The following PLPP5 variants were observed in gnomAD, a reference collection of about 807,000 sequenced individuals.
PLPP5 encodes the protein diacylglycerol pyrophosphate like 1.
In PLPP5, 29 loss-of-function variants were observed where a neutral mutation model predicts 23.6. That is an observed-to-expected ratio of 1.23 (90% CI 0.92 to 1.68). PLPP5 has a LOEUF of 1.68. Ranked by LOEUF, PLPP5 falls within the 40% of genes most tolerant of loss-of-function variation. The pLI is 0.00. For missense variants in PLPP5, 315 were observed against 332.1 expected, an observed-to-expected ratio of 0.95 and a Z score of 0.40; for synonymous variants, 143 against 131.3, an observed-to-expected ratio of 1.09 and a Z score of -0.61.
In PLPP5 at chr8:38,264,455, A is replaced by T; in HGVS notation, c.784T>A (p.Phe262Ile). The T allele has an allele frequency of 6.5e-7, 1 of 1,548,070 alleles. No homozygotes were observed. Residue 262 changes from phenylalanine (F) to isoleucine (I), a missense_variant, in exon 7 of 7, where the codon TTT becomes ATT. Transcript: ENST00000424479. ...GCCAGATTCAATTTTTAAATATCAA[A>T]ACAATAAGAATCCCCAGGCTTCTGT... ...TAQKPGDSYC[F>I]DI is the part of the protein sequence containing the mutation.
At chr8:38,267,076 C>G in intron 5 of PLPP5, 191 bp downstream of exon 5, 5 of 1,432,864 alleles carry the variant, frequency 3.5e-6, no homozygotes, top group Non-Finnish European at 3.7e-6. Context: ...GGTAAACTAC[C>G]TTTCTGTTCT....
intron 5 of PLPP5, chr8:38,267,041 C>A: frequency 7.1e-7 from 1 of 1,411,836 alleles, no homozygotes; most frequent in South Asian, 1.6e-5. Context: ...AATAATATAA[C>A]AATTAAATGT....
At position 38,264,621 on chromosome 8, in the gene PLPP5, C is replaced by T; in HGVS notation, c.635-17G>A. ...CTAGTACATCTGAAGAGAGTGGAAA[C>T]AAGGTCTTCTCTTAATATTAGGCTC... is the stretch of plus-strand genomic sequence containing the variant. On this transcript the variant is annotated splice_polypyrimidine_tract_variant and intron_variant, in intron 6 of 6. Coordinates refer to ENST00000424479, the MANE Select transcript of PLPP5 (RefSeq NM_001102559.2). 1 of 1,576,832 alleles carries T rather than the reference C, an allele frequency of 6.3e-7. No individual in the cohort carries two copies. The highest frequency in any genetic ancestry group is 8.6e-7 in the Non-Finnish European group (1 of 1,161,732).
At chr8:38,266,049 G>T in intron 6 of PLPP5, 92 bp downstream of exon 6, 1 of 1,178,536 alleles carries the variant, frequency 8.5e-7, no homozygotes, top group Non-Finnish European at 1.2e-6. Context: ...TGTTCATTCA[G>T]CAGATATTTA....
intron 5 of PLPP5, 39 bp downstream of exon 5, chr8:38,267,228 G>A: frequency 6.2e-7 from 1 of 1,613,808 alleles, no homozygotes; most frequent in Non-Finnish European, 8.5e-7. Context: ...TCAATGATGT[G>A]AAAACAAGCA....
intron 5 of PLPP5, chr8:38,266,913 T>G: frequency 6.0e-6 from 3 of 496,510 alleles, no homozygotes; most frequent in Non-Finnish European, 8.9e-6. Context: ...CCCCACCTCA[T>G]TGGATTATTG....
chr8:38,268,421 G>T lies in PLPP5; in HGVS notation c.224C>A (p.Ala75Asp). 6.3e-7 allele frequency: 1 copy of T among 1,577,910 alleles called. No individual in the cohort carries two copies. Among genetic ancestry groups the T allele is most frequent in the Non-Finnish European group, 8.6e-7 (1 of 1,161,618 alleles). The change falls in exon 3 of 7, where the codon GCC (alanine) becomes GAC (aspartate). Residue 75 changes from alanine to aspartate, a missense_variant. Ala to Asp is a moderately radical substitution (Grantham distance 126). Transcript: ENST00000424479. ...FLSPLSLIFL[A>D]KFLKKADTRD... ...TGTGTCTGCCTTCTTGAGAAATTTG[G>T]CCAGGAAGATCAGAGACAGTGGAGA...
In PLPP5 at chr8:38,264,561, G is replaced by T; in HGVS notation, c.678C>A (p.Val226=). ...GAGGAGGATAATACTGCCGATAGCA[G>T]ACATAGGCAAATGTCATTCCAATCA... ...GSMIGMTFAY[V]CYRQYYPPLT... is the part of the protein sequence containing the mutation. Residue 226 remains valine (V), a synonymous_variant, in exon 7 of 7, where the codon GTC becomes GTA. Transcript: ENST00000424479. The T allele has an allele frequency of 6.3e-7, 1 of 1,587,442 alleles. No homozygotes were observed. The highest frequency in any genetic ancestry group is 8.6e-7 in the Non-Finnish European group (1 of 1,166,084).
chr8:38,265,006 C>T (rs992215548), intron 6 of PLPP5: 10 of 1,201,804 alleles, frequency 8.3e-6, no homozygotes, highest in African/African-American at 4.5e-5. Context: ...CGGTGACTCA[C>T]GCCTGTAATC....
At chr8:38,264,888 A>G in intron 6 of PLPP5, 1 of 1,612,764 alleles carries the variant, frequency 6.2e-7, no homozygotes. Context: ...TTTCTAACTC[A>G]GAAGAGTAAC....
Position 38,268,480 on chromosome 8 carries a change from G to T in PLPP5, c.184-19C>A. The stretch of plus-strand genomic sequence containing the variant: ...CAATAACCTGAATCAGAATGTCAGA[G>T]GTTAAAAACAATCCAAAAAAAAGCC... On this transcript the variant is annotated intron_variant, in intron 2 of 6. Transcript: ENST00000424479. 6.4e-7 allele frequency: 1 copy of T among 1,556,564 alleles called. No homozygotes were observed.
In PLPP5 at chr8:38,267,318, T is replaced by A. The variant is rs1268631384; in HGVS notation, c.412A>T (p.Lys138Ter). Reference protein sequence around the residue: ...AHSDLMCTGDKDVVNEGRKSF... With the variant: ...AHSDLMCTGD ...TTTCGGCCCTCATTCACCACGTCCT[T>A]ATCCCCTGTACACATCAAGTCAGAA... Residue 138 changes from lysine to a stop codon, truncating the protein, a stop_gained, in exon 5 of 7, where the codon AAG becomes TAG. Transcript: ENST00000424479. LOFTEE classifies it high-confidence loss of function. The A allele has an allele frequency of 1.2e-6, 2 of 1,613,894 alleles. No homozygotes were observed. Among genetic ancestry groups the A allele is most frequent in the Non-Finnish European group, 1.7e-6 (2 of 1,179,900 alleles).
chr8:38,266,486 C>T (rs1308548657), intron 5 of PLPP5, 175 bp from the exon 6 acceptor site: 3 of 587,190 alleles, frequency 5.1e-6, no homozygotes, highest in South Asian at 2.1e-5. Flanking sequence ...CTGCAACCTC[C>T]ACCACCCGGG....
chr8:38,264,872 AG>A (rs1807339126), intron 6 of PLPP5: 1 of 1,610,866 alleles, frequency 6.2e-7, no homozygotes, highest in African/African-American at 1.3e-5. Flanking sequence ...GTACTAAATT[AG>A]AATTTTTCTA....
Position 38,268,019 on chromosome 8 carries a change from C to T in PLPP5, c.275-59G>A. On this transcript the variant is annotated intron_variant, in intron 3 of 6. Transcript: ENST00000424479. ...TCTAGGAGGAAAGGTATGGTCATGG[C>T]CTCGTTATGAGAGCAGCCGTGCTGT... 4 of 1,612,710 alleles carry T rather than the reference C, an allele frequency of 2.5e-6. No individual in the cohort carries two copies. In the South Asian group the frequency reaches 4.4e-5, roughly 18 times the overall value.
At chr8:38,269,083 T>TGGGAAGC (rs1487253753) in intron 1 of PLPP5, 43 bp downstream of exon 1, 13 of 1,527,350 alleles carry the variant, frequency 8.5e-6, no homozygotes, top group Non-Finnish European at 1.1e-5. Flanking sequence ...CCCGCCTGCC[T>TGGGAAGC]GGGAAGCGGG....
chr8:38,269,146 G>T lies in PLPP5; in HGVS notation c.54C>A (p.Leu18=), dbSNP rs1263248816. 2.0e-6 allele frequency: 3 copies of T among 1,517,326 alleles called. No homozygotes were observed. Among genetic ancestry groups the T allele is most frequent in the Non-Finnish European group, 2.6e-6 (3 of 1,139,684 alleles). The allele number at this position is 1,517,326 out of a possible 1,614,324, so 94.0% of individuals were successfully genotyped here. ...VAFGAEVGVR[L]ALFAAFLVTE... ...CTTACAGGAAGGCCGCGAACAGCGCGAGCCGCACGCCCACTTCGGCCCCAA... is the reference window on the plus strand; with the variant it reads ...CTTACAGGAAGGCCGCGAACAGCGCTAGCCGCACGCCCACTTCGGCCCCAA... Residue 18 remains leucine (L), a synonymous_variant, in exon 1 of 7, where the codon CTC becomes CTA. Transcript: ENST00000424479.
chr8:38,266,065 C>A, intron 6 of PLPP5, 76 bp downstream of exon 6: 1 of 1,349,404 alleles, frequency 7.4e-7, no homozygotes, highest in South Asian at 1.4e-5. Flanking sequence ...ATTTAGTAAG[C>A]ATCTCCTCTG....
rs1255061239 is a variant in PLPP5, at chr8:38,266,186, C to T, written c.589G>A (p.Val197Met). The change falls in exon 6 of 7, where the codon GTG becomes ATG. Residue 197 changes from valine (V) to methionine (M), a missense_variant. Val to Met is a conservative substitution (Grantham distance 21, BLOSUM62 1). Coordinates refer to ENST00000424479, the MANE Select transcript of PLPP5 (RefSeq NM_001102559.2). ...AFLSPLLFAAVIALSRTCDYK... is the reference protein window; with the variant it reads ...AFLSPLLFAAMIALSRTCDYK... ...TCACATGTGCGGGACAGTGCAATCA[C>T]AGCTGCAAAAAGTAGAGGTGACAGA... The T allele has an allele frequency of 1.2e-6, 2 of 1,613,960 alleles. No individual in the cohort carries two copies. The highest frequency in any genetic ancestry group is 8.5e-7 in the Non-Finnish European group (1 of 1,179,956).
Sources: allele counts gnomAD v4.1 joint callset, GRCh38; gene constraint gnomAD v4.1.1; transcripts MANE v1.5; gene names NCBI Gene and HGNC (gene_info 2026-07-23, HGNC 2026-07-21).